The following CSMD3 variants were observed in gnomAD, a reference collection of about 807,000 sequenced individuals.
CSMD3 encodes CUB and sushi domain-containing protein 3.
A neutral mutation model predicts 435.2 loss-of-function variants in CSMD3; 177 were observed. The ratio of observed to expected loss-of-function variants is 0.41; its 90% CI spans 0.36 to 0.46. The LOEUF is 0.46. Among genes scored for constraint, CSMD3 ranks in the 20% least tolerant of loss-of-function variants. The probability of loss-of-function intolerance (pLI) is 0.34; values close to 1 mark genes in which losing one functional copy is unlikely to be tolerated. For missense variants in CSMD3, 4,265 were observed against 4,504.6 expected (o/e 0.95, Z 1.52); for synonymous variants, 1,656 against 1,520.5 (o/e 1.09, Z -2.07).
At chr8:112,374,572 T>C (rs1828762860) in intron 38 of CSMD3, among the ~76,000 whole-genome samples, 1 of 152,206 alleles carries the variant, frequency 6.6e-6, no homozygotes, top group Admixed American at 6.5e-5. Flanking sequence ...TATGATTTGA[T>C]AAAATTATTA....
chr8:113,324,126 A>G (rs971098743), intron 1 of CSMD3, among the ~76,000 whole-genome samples: 1 of 152,194 alleles, frequency 6.6e-6, no homozygotes, highest in Non-Finnish European at 1.5e-5. Context: ...GCAGACCATA[A>G]AAGTTCAAAA....
At chr8:112,491,257 C>A (rs1186083804) in intron 31 of CSMD3, among the ~76,000 whole-genome samples, 3 of 151,406 alleles carry the variant, frequency 2.0e-5, no homozygotes, top group African/African-American at 7.4e-5. Context: ...ATATCATAGA[C>A]CAATTCAAAC....
intron 32 of CSMD3, among the ~76,000 whole-genome samples, chr8:112,463,320 C>A (rs1003500887): frequency 1.3e-5 from 2 of 152,144 alleles, no homozygotes; most frequent in African/African-American, 4.8e-5. Context: ...CGAGGTCATG[C>A]CACTGCAATC....
intron 5 of CSMD3, among the ~76,000 whole-genome samples, chr8:113,030,417 T>TAAAAAAAAAAAAAAAAAA (rs35890606): frequency 8.2e-5 from 2 of 24,352 alleles, no homozygotes; most frequent in African/African-American, 4.4e-4. Context: ...TTGGTACTGG[T>TAAAAAAAAAAAAAAAAAA]AAAAAAAAAA....
chr8:112,234,602 C>A, intron 67 of CSMD3, 125 bp from the exon 68 acceptor site: 1 of 682,924 alleles, frequency 1.5e-6, no homozygotes, highest in South Asian at 1.7e-5. Flanking sequence ...AAAACAAGGG[C>A]AAGTCAAGGA....
chr8:113,215,012 G>T (rs1273008677), intron 3 of CSMD3, among the ~76,000 whole-genome samples: 1 of 151,790 alleles, frequency 6.6e-6, no homozygotes, highest in African/African-American at 2.4e-5. Context: ...AGTGTAAAGA[G>T]ACATATTGTA....
At chr8:112,291,819 T>C (rs769682934) in intron 55 of CSMD3, 124 bp from the exon 56 acceptor site, 2 of 651,672 alleles carry the variant, frequency 3.1e-6, no homozygotes, top group Non-Finnish European at 5.3e-6. Context: ...CAGATTCCAA[T>C]AATAAAATTA....
intron 2 of CSMD3, among the ~76,000 whole-genome samples, chr8:113,291,376 A>G (rs1477598628): frequency 6.6e-6 from 1 of 151,852 alleles, no homozygotes; most frequent in East Asian, 1.9e-4. Flanking sequence ...GATAACTACG[A>G]TAGGACTTCA....
At chr8:112,494,988 G>T (rs905493111) in intron 30 of CSMD3, among the ~76,000 whole-genome samples, 32 of 152,102 alleles carry the variant, frequency 2.1e-4, no homozygotes, top group African/African-American at 7.7e-4. Flanking sequence ...TACTCAAGCT[G>T]CTCTGTAAAA....
Position 112,223,125 on chromosome 8 carries a change from A to G in CSMD3, c.*1646T>C, listed in dbSNP as rs1812296718. On this transcript the variant is annotated 3_prime_UTR_variant, in exon 71 of 71. Transcript: ENST00000297405. ...GTATTAGCCTTAACATTAATGAATG[A>G]ATCATTGTTATTGCAGTCATTTGAA... 2.5e-6 allele frequency: 1 copy of G among 398,300 alleles called. No individual in the cohort carries two copies. The highest frequency in any genetic ancestry group is 4.4e-5 in the Admixed American group (1 of 22,696). 24.7% of individuals were successfully genotyped at this position (398,300 alleles called of 1,614,324 possible).
chr8:113,049,398 G>C (rs922901850), intron 5 of CSMD3, among the ~76,000 whole-genome samples: 17 of 148,196 alleles, frequency 1.1e-4, no homozygotes, highest in East Asian at 3.9e-4. Flanking sequence ...CTCTGTTCTA[G>C]TAGGAAAAAA....
intron 42 of CSMD3, 151 bp downstream of exon 42, chr8:112,341,326 C>A (rs1041763121): frequency 1.2e-4 from 71 of 608,482 alleles, no homozygotes; most frequent in South Asian, 6.9e-4. Context: ...TTGCATTGTT[C>A]TAAAAATCTT....
intron 4 of CSMD3, among the ~76,000 whole-genome samples, chr8:113,121,288 G>A (rs1379062119): frequency 1.3e-5 from 2 of 152,192 alleles, no homozygotes; most frequent in East Asian, 3.9e-4. Context: ...TTAAATACTG[G>A]TGGGGGGAGG....
intron 30 of CSMD3, among the ~76,000 whole-genome samples, chr8:112,494,313 C>A (rs981697837): frequency 1.1e-4 from 7 of 62,462 alleles, no homozygotes; most frequent in Admixed American, 4.4e-4. Flanking sequence ...TTCTTTTACT[C>A]TCTCCTTTCT....
chr8:113,230,657 C>T (rs1242557550), intron 3 of CSMD3, among the ~76,000 whole-genome samples: 1 of 151,564 alleles, frequency 6.6e-6, no homozygotes, highest in Non-Finnish European at 1.5e-5. Context: ...TTTAACATTA[C>T]ACCAAGCATC....
intron 2 of CSMD3, chr8:113,311,947 G>C (rs2132655530): frequency 6.6e-6 from 1 of 151,936 alleles, no homozygotes; most frequent in Non-Finnish European, 1.5e-5. Context: ...AAAATAAATA[G>C]GAAAAATAAA....
intron 4 of CSMD3, among the ~76,000 whole-genome samples, chr8:113,114,339 TAAAC>T (rs1442318804): frequency 6.6e-6 from 1 of 152,038 alleles, no homozygotes; most frequent in Non-Finnish European, 1.5e-5. Context: ...ATAGAAATGT[TAAAC>T]AAAGACAAAT....
chr8:113,316,425 A>T (rs2093910206), intron 1 of CSMD3, among the ~76,000 whole-genome samples: 1 of 152,208 alleles, frequency 6.6e-6, no homozygotes, highest in African/African-American at 2.4e-5. Context: ...AAGTCCTCAG[A>T]AGCCAGAGTT....
chr8:112,869,000 A>G (rs1004563552), intron 10 of CSMD3, among the ~76,000 whole-genome samples: 1 of 152,172 alleles, frequency 6.6e-6, no homozygotes, highest in Non-Finnish European at 1.5e-5. Context: ...AACAAAAGGA[A>G]AAATAAACAA....
Sources: allele counts gnomAD v4.1 joint callset (sites outside exome capture counted in the v4.1 genomes callset), GRCh38; gene constraint gnomAD v4.1.1; transcripts MANE v1.5; gene names NCBI Gene and HGNC (gene_info 2026-07-23, HGNC 2026-07-21).